The following MSANTD1 variants were observed in gnomAD, a reference collection of about 807,000 sequenced individuals.
MSANTD1 encodes Myb/SANT DNA binding domain containing 1.
MSANTD1 carries 7 observed loss-of-function variants against 24.2 expected under a neutral mutation model. That is an observed-to-expected ratio of 0.29 (90% CI 0.16 to 0.54). The LOEUF (loss-of-function observed/expected upper bound fraction) is 0.54. Ranked by LOEUF, MSANTD1 falls within the 20% of genes least tolerant of loss-of-function variation. The pLI is 0.94. For synonymous variants in MSANTD1, 177 were observed against 181.1 expected (o/e 0.98, Z 0.18); for missense variants, 384 against 408.2 (o/e 0.94, Z 0.51).
chr4:3,252,382 G>A (rs1347685662), intron 1 of MSANTD1, among the ~76,000 whole-genome samples: 1 of 152,240 alleles, frequency 6.6e-6, no homozygotes, highest in African/African-American at 2.4e-5. Flanking sequence ...GGTGGGTGCT[G>A]GGGGTCCCAG....
intron 2 of MSANTD1, among the ~76,000 whole-genome samples, chr4:3,254,060 G>A (rs911725581): frequency 2.6e-5 from 4 of 152,210 alleles, no homozygotes; most frequent in Non-Finnish European, 4.4e-5. Flanking sequence ...CAGGGCAGCC[G>A]GGAGCCAGGC....
intron 1 of MSANTD1, among the ~76,000 whole-genome samples, chr4:3,252,246 C>T (rs1009462453): frequency 1.3e-5 from 2 of 152,232 alleles, no homozygotes; most frequent in African/African-American, 4.8e-5. Flanking sequence ...TCTTCCCTGG[C>T]CTGGCCAGAG....
At position 3,255,853 on chromosome 4, in the gene MSANTD1, G is replaced by T. The variant is rs1203939190; in HGVS notation, c.725G>T (p.Arg242Leu). 6.5e-7 allele frequency: 1 copy of T among 1,545,382 alleles called. No homozygotes were observed. Among genetic ancestry groups the T allele is most frequent in the Non-Finnish European group, 8.7e-7 (1 of 1,146,504 alleles). Residue 242 changes from arginine (R) to leucine (L), a missense_variant, in exon 3 of 3, where the codon CGC becomes CTC. Coordinates refer to ENST00000438480, the MANE Select transcript of MSANTD1 (RefSeq NM_001042690.2). ...RLSRAVEETC[R>L]EVRRVLDQQH... ...AGCCGCGCCGTGGAGGAGACCTGCC[G>T]CGAGGTGCGCCGCGTGCTGGACCAG...
intron 2 of MSANTD1, among the ~76,000 whole-genome samples, chr4:3,255,163 C>T (rs1469101704): frequency 6.6e-6 from 1 of 152,216 alleles, no homozygotes; most frequent in Admixed American, 6.5e-5. Context: ...TGTCCTGGGA[C>T]CCTGGTCATT....
chr4:3,244,941 AG>A (rs1279883193), upstream of MSANTD1: 1 of 152,302 alleles, frequency 6.6e-6, no homozygotes, highest in Non-Finnish European at 1.5e-5. Context: ...TGTGGTGGAC[AG>A]GCCTAAAGCA....
rs772262458 is a variant in MSANTD1, at chr4:3,249,365, A to G, written c.143A>G (p.Asp48Gly). ...CACCGGCGGGCCCGCAACTGGACGGACGCCGAGATGCGCGGCCTCATGCTG... is the reference window on the plus strand; with the variant it reads ...CACCGGCGGGCCCGCAACTGGACGGGCGCCGAGATGCGCGGCCTCATGCTG... ...EKHRRARNWT[D>G]AEMRGLMLVW... Residue 48 changes from aspartate (D) to glycine (G), a missense_variant, in exon 1 of 3, where the codon GAC becomes GGC. Asp to Gly is a moderately conservative substitution (Grantham distance 94). Transcript: ENST00000438480. 3 of 1,562,560 alleles carry G rather than the reference A, an allele frequency of 1.9e-6. No individual in the cohort carries two copies. The Admixed American group carries it at 5.7e-5, about 30-fold the overall frequency.
Position 3,253,243 on chromosome 4 carries a change from G to A in MSANTD1, c.357G>A (p.Pro119=), listed in dbSNP as rs368238729. ...GCATGACAGATAGCGAGTCCGCCCC[G>A]CCCGACTGGCCCTATTACCTAGCCA... The part of the protein sequence containing the change: ...LKCMTDSESA[P]PDWPYYLAID... The change falls in exon 2 of 3, where the codon CCG becomes CCA. Residue 119 remains proline, a synonymous_variant. Transcript: ENST00000438480. The A allele has an allele frequency of 2.3e-5, 36 of 1,583,154 alleles. No individual in the cohort carries two copies. In the Admixed American group the frequency reaches 2.3e-4, roughly 10 times the overall value.
At chr4:3,244,878 G>T (rs892147293), upstream of MSANTD1, 5 of 152,306 alleles carry the variant, frequency 3.3e-5, no homozygotes, top group Admixed American at 2.0e-4. Flanking sequence ...TCTTGGGCAC[G>T]TGCGGGGGCC....
At chr4:3,253,699 G>T (rs1195255887) in intron 2 of MSANTD1, among the ~76,000 whole-genome samples, 1 of 152,228 alleles carries the variant, frequency 6.6e-6, no homozygotes, top group Non-Finnish European at 1.5e-5. Context: ...TCACTTTTGA[G>T]CTGCACGGAA....
rs767714819 is a variant in MSANTD1, at chr4:3,253,241, C to T, written c.355C>T (p.Pro119Ser). ...ATGCATGACAGATAGCGAGTCCGCCCCGCCCGACTGGCCCTATTACCTAGC... is the reference window on the plus strand; with the variant it reads ...ATGCATGACAGATAGCGAGTCCGCCTCGCCCGACTGGCCCTATTACCTAGC... ...LKCMTDSESAPPDWPYYLAID... is the reference protein window; with the variant it reads ...LKCMTDSESASPDWPYYLAID... Residue 119 changes from proline (P) to serine (S), a missense_variant, in exon 2 of 3, where the codon CCG becomes TCG. Pro to Ser is a moderately conservative substitution (Grantham distance 74, BLOSUM62 -1). Transcript: ENST00000438480. 6 of 1,584,130 alleles carry T rather than the reference C, an allele frequency of 3.8e-6. No individual in the cohort carries two copies. The East Asian group carries it at 1.1e-4, about 30-fold the overall frequency.
chr4:3,246,359 C>A (rs763654405), upstream of MSANTD1, among the ~76,000 whole-genome samples: 1 of 152,232 alleles, frequency 6.6e-6, no homozygotes, highest in Non-Finnish European at 1.5e-5. Context: ...AGCCCTGCTG[C>A]CCCCACCCTT....
At chr4:3,244,724 G>C (rs1189267684), upstream of MSANTD1, 2 of 152,234 alleles carry the variant, frequency 1.3e-5, no homozygotes, top group African/African-American at 4.8e-5. Flanking sequence ...TCTGGTGCAG[G>C]GTATTTAGTC....
intron 1 of MSANTD1, among the ~76,000 whole-genome samples, chr4:3,251,535 A>C (rs888541696): frequency 7.2e-5 from 11 of 152,046 alleles, no homozygotes; most frequent in Admixed American, 6.5e-4. Flanking sequence ...GCCTTAGTTC[A>C]CCGAGGGGGA....
chr4:3,244,651 G>A (rs540909566), upstream of MSANTD1: 1 of 152,400 alleles, frequency 6.6e-6, no homozygotes, highest in South Asian at 2.1e-4. Flanking sequence ...GTGATTGGTG[G>A]TGTAGTCATC....
chr4:3,251,962 G>A (rs1243229012), intron 1 of MSANTD1, among the ~76,000 whole-genome samples: 1 of 152,190 alleles, frequency 6.6e-6, no homozygotes, highest in African/African-American at 2.4e-5. Flanking sequence ...TGCCACCCTG[G>A]GCAGCATCCC....
Position 3,256,063 on chromosome 4 carries a change from C to CGA in MSANTD1, c.*98_*99insGA. 1.5e-6 allele frequency: 2 copies of CGA among 1,362,924 alleles called. No individual in the cohort carries two copies. Among genetic ancestry groups the CGA allele is most frequent in the Non-Finnish European group, 1.9e-6 (2 of 1,052,926 alleles). 84.4% of individuals were successfully genotyped at this position (1,362,924 alleles called of 1,614,324 possible). On this transcript the variant is annotated 3_prime_UTR_variant, in exon 3 of 3. Transcript: ENST00000438480. ...AGGCCAGGCGGGCAAGGGGGCCGCC[C>CGA]CGCGAGCGGAGACCGCCTTCCACCT...
At chr4:3,246,392 G>T (rs1358145840), upstream of MSANTD1, among the ~76,000 whole-genome samples, 1 of 152,228 alleles carries the variant, frequency 6.6e-6, no homozygotes, top group African/African-American at 2.4e-5. Flanking sequence ...TGTCCTGCTG[G>T]CCTGTCAGGC....
upstream of MSANTD1, among the ~76,000 whole-genome samples, chr4:3,246,226 A>G (rs143687711): frequency 3.7e-3 from 563 of 152,164 alleles, no homozygotes; most frequent in Non-Finnish European, 5.9e-3. Context: ...GCCTTCACCC[A>G]AGCCCTGAAC....
At position 3,253,097 on chromosome 4, in the gene MSANTD1, G is replaced by C. The variant is rs542716249; in HGVS notation, c.321-110G>C. ...TGCTGGGGAGGCCCTTGCCAGCCGA[G>C]AGCGGCTCCTGCCTGTGCCGGCGTG... On this transcript the variant is annotated intron_variant, in intron 1 of 2. Transcript: ENST00000438480. 3 of 1,183,666 alleles carry C rather than the reference G, an allele frequency of 2.5e-6. No homozygotes were observed. In the South Asian group the frequency reaches 5.7e-5, roughly 23 times the overall value. The allele number at this position is 1,183,666 out of a possible 1,614,324, so 73.3% of individuals were successfully genotyped here. A position where few individuals can be genotyped will look rare whatever the true frequency, so the allele number is the denominator to read the frequency against.
Sources: allele counts gnomAD v4.1 joint callset (sites outside exome capture counted in the v4.1 genomes callset), GRCh38; gene constraint gnomAD v4.1.1; transcripts MANE v1.5; gene names NCBI Gene and HGNC (gene_info 2026-07-23, HGNC 2026-07-21).